The following SVOPL variants were observed in gnomAD, a reference collection of about 807,000 sequenced individuals.
The protein encoded by SVOPL is putative transporter SVOPL.
Under a neutral mutation model 61.0 loss-of-function variants are expected in SVOPL, and 60 were observed. The observed-to-expected ratio is 0.98, with a 90% CI of 0.80 to 1.22. SVOPL has a LOEUF of 1.22. Ranked by LOEUF, SVOPL falls within the 50% of genes most tolerant of loss-of-function variation. SVOPL has a pLI of 0.00. For missense variants in SVOPL, 662 were observed against 643.9 expected (o/e 1.03, Z -0.30); for synonymous variants, 279 against 250.0 (o/e 1.12, Z -1.09).
chr7:138,649,166 T>A, intron 7 of SVOPL, 29 bp from the exon 8 acceptor site: 2 of 1,562,546 alleles, frequency 1.3e-6, no homozygotes, highest in Non-Finnish European at 1.7e-6. Context: ...AGGATTAAAG[T>A]TCTTTGGGGA....
intron 9 of SVOPL, among the ~76,000 whole-genome samples, chr7:138,634,337 C>G (rs543386000): frequency 7.6e-4 from 115 of 152,050 alleles, no homozygotes; most frequent in Non-Finnish European, 1.4e-3. Flanking sequence ...AAGACCTCAT[C>G]TCTATGAAAA....
chr7:138,628,873 T>G (rs1800023266), intron 10 of SVOPL, among the ~76,000 whole-genome samples: 1 of 152,182 alleles, frequency 6.6e-6, no homozygotes, highest in South Asian at 2.1e-4. Flanking sequence ...CTCTTGCCTA[T>G]TTCTAAATTG....
chr7:138,689,392 C>A lies in SVOPL; in HGVS notation c.-34-10313G>T. On this transcript the variant is annotated intron_variant, in intron 1 of 15. Transcript: ENST00000674285. The stretch of plus-strand genomic sequence containing the variant: ...GACAGAGCTTATGGTCGGATTTACC[C>A]ATGCATGAGCTCTCCCTGCCACATC... 2.1e-6 allele frequency: 3 copies of A among 1,452,578 alleles called. No individual in the cohort carries two copies. The South Asian group carries it at 3.4e-5, about 16-fold the overall frequency. The allele number at this position is 1,452,578 out of a possible 1,614,324, so 90.0% of individuals were successfully genotyped here.
At chr7:138,618,216 C>T (rs1036928535) in intron 14 of SVOPL, among the ~76,000 whole-genome samples, 3 of 152,148 alleles carry the variant, frequency 2.0e-5, no homozygotes, top group Admixed American at 2.0e-4. Context: ...TCACCTTGAC[C>T]GTTATTGATC....
intron 9 of SVOPL, among the ~76,000 whole-genome samples, chr7:138,634,158 T>C (rs1173763572): frequency 1.3e-5 from 2 of 152,184 alleles, no homozygotes; most frequent in African/African-American, 4.8e-5. Flanking sequence ...TGATGCCATC[T>C]CATTCTGCCA....
chr7:138,673,813 G>T (rs1012307197), intron 3 of SVOPL, among the ~76,000 whole-genome samples: 2 of 152,172 alleles, frequency 1.3e-5, no homozygotes, highest in South Asian at 4.1e-4. Context: ...AGTAGCCTTA[G>T]GGGAGAGGGA....
At chr7:138,679,419 G>T (rs555966527) in intron 1 of SVOPL, among the ~76,000 whole-genome samples, 1 of 152,018 alleles carries the variant, frequency 6.6e-6, no homozygotes, top group South Asian at 2.1e-4. Context: ...ACAGGCATGC[G>T]TCACCATGCC....
chr7:138,668,505 G>T (rs115750475), intron 4 of SVOPL, among the ~76,000 whole-genome samples: 4,553 of 152,110 alleles, frequency 0.03, 223 homozygotes, highest in African/African-American at 0.1. Context: ...ATCTCATTTG[G>T]GTTAGCAAAA....
Position 138,680,718 on chromosome 7 carries a change from A to G in SVOPL, c.-34-1639T>C, listed in dbSNP as rs544804574. 2.0e-5 allele frequency among the ~76,000 whole-genome samples: 3 copies of G among 152,144 alleles called. No individual in the cohort carries two copies. In the East Asian group the frequency reaches 5.8e-4, roughly 30 times the overall value. ...CTCAGCCTCCTGAGTAGCTGGGACT[A>G]CAGGCGCCCGCCACCACGCCCGGCT... is the stretch of plus-strand genomic sequence containing the variant. On this transcript the variant is annotated intron_variant, in intron 1 of 15. Coordinates refer to ENST00000674285, the MANE Select transcript of SVOPL (RefSeq NM_001139456.2).
At chr7:138,599,167 A>AAAAAAAAAAAAAC (rs58372563) in intron 14 of SVOPL, among the ~76,000 whole-genome samples, 9 of 121,820 alleles carry the variant, frequency 7.4e-5, no homozygotes, top group Admixed American at 1.8e-4. Flanking sequence ...ACCAAAAAAA[A>AAAAAAAAAAAAAC]AAGAAATACA....
intron 14 of SVOPL, among the ~76,000 whole-genome samples, chr7:138,603,195 C>G (rs1455389510): frequency 6.6e-6 from 1 of 152,144 alleles, no homozygotes; most frequent in Non-Finnish European, 1.5e-5. Context: ...TCCCTTATAA[C>G]TTACAGGTCA....
intron 9 of SVOPL, among the ~76,000 whole-genome samples, chr7:138,630,966 AAAAG>A (rs888306733): frequency 5.3e-5 from 8 of 151,594 alleles, no homozygotes; most frequent in Admixed American, 1.3e-4. Flanking sequence ...AAAAAAAAAA[AAAAG>A]CAAGGAAGAG....
At chr7:138,639,401 T>G (rs1360266425) in intron 9 of SVOPL, among the ~76,000 whole-genome samples, 1 of 151,472 alleles carries the variant, frequency 6.6e-6, no homozygotes, top group Non-Finnish European at 1.5e-5. Context: ...CTGAGGTGGG[T>G]GGGCCACATG....
chr7:138,606,270 G>C (rs1227361926), intron 14 of SVOPL, among the ~76,000 whole-genome samples: 1 of 152,140 alleles, frequency 6.6e-6, no homozygotes, highest in Non-Finnish European at 1.5e-5. Flanking sequence ...GAAAATTAAG[G>C]AATGTGGACA....
intron 1 of SVOPL, among the ~76,000 whole-genome samples, chr7:138,683,122 G>A (rs951589714): frequency 6.6e-6 from 1 of 151,832 alleles, no homozygotes; most frequent in Non-Finnish European, 1.5e-5. Flanking sequence ...TTATGGCTAC[G>A]GTATAAGAAA....
intron 3 of SVOPL, among the ~76,000 whole-genome samples, chr7:138,676,804 C>T (rs1802571819): frequency 6.6e-6 from 1 of 151,996 alleles, no homozygotes; most frequent in African/African-American, 2.4e-5. Context: ...TATTGAATTC[C>T]CAAAACATAG....
intron 12 of SVOPL, 181 bp from the exon 13 acceptor site, chr7:138,626,231 T>C: frequency 1.7e-6 from 1 of 599,704 alleles, no homozygotes; most frequent in South Asian, 2.0e-5. Flanking sequence ...CTTCCAATCT[T>C]ACTCCCACTG....
intron 9 of SVOPL, among the ~76,000 whole-genome samples, chr7:138,642,848 A>AAAAAAAAAG (rs1437306629): frequency 5.6e-5 from 2 of 35,448 alleles, no homozygotes; most frequent in African/African-American, 1.1e-4. Flanking sequence ...AAAAAAAAAA[A>AAAAAAAAAG]AAGAAGAAAC....
At chr7:138,634,170 A>G (rs549561591) in intron 9 of SVOPL, among the ~76,000 whole-genome samples, 1 of 152,216 alleles carries the variant, frequency 6.6e-6, no homozygotes, top group East Asian at 1.9e-4. Context: ...ATTCTGCCAG[A>G]TGTCTATTAT....
Sources: gnomAD v4.1 joint callset for allele counts (sites outside exome capture counted in the v4.1 genomes callset) on GRCh38, gnomAD v4.1.1 for gene constraint, MANE v1.5 for transcripts, NCBI Gene and HGNC (gene_info 2026-07-23, HGNC 2026-07-21) for gene names.